The following TRIM63 variants were observed in gnomAD, a reference collection of about 807,000 sequenced individuals.
TRIM63 encodes the protein tripartite motif containing 63.
In TRIM63, 48 loss-of-function variants were observed where a neutral mutation model predicts 46.0. That is an observed-to-expected ratio of 1.04 (90% confidence interval 0.83 to 1.33). The LOEUF (loss-of-function observed/expected upper bound fraction) is 1.33. TRIM63 is among the 40% of genes most tolerant of loss of function. The pLI is 0.00. For synonymous variants in TRIM63, 175 were observed against 162.8 expected (o/e 1.08, Z -0.57); for missense variants, 455 against 441.2 (o/e 1.03, Z -0.28).
At chr1:26,055,592 C>A (rs1197624229) in intron 7 of TRIM63, among the ~76,000 whole-genome samples, 1 of 151,162 alleles carries the variant, frequency 6.6e-6, no homozygotes, top group Non-Finnish European at 1.5e-5. Context: ...CTCACTGCAA[C>A]CTCCTCCTCC....
chr1:26,053,005 G>A (rs6678074), intron 8 of TRIM63, among the ~76,000 whole-genome samples: 4 of 151,916 alleles, frequency 2.6e-5, no homozygotes, highest in South Asian at 2.1e-4. Context: ...GTGCAGTGGC[G>A]CAATCATAGC....
rs868195918 is a variant in TRIM63, at chr1:26,066,440, C to T, written c.160G>A (p.Ala54Thr). The T allele has an allele frequency of 3.8e-6, 6 of 1,572,772 alleles. No homozygotes were observed. In the Middle Eastern group the frequency reaches 1.0e-3, roughly 267 times the overall value. ...CRKCANDIFQ[A>T]ANPYWTSRGS... ...CGGCTGGTCCAGTAGGGATTTGCAGCCTGCAGGTGGCAAAGGTCAAGGTGA... is the reference window on the plus strand; with the variant it reads ...CGGCTGGTCCAGTAGGGATTTGCAGTCTGCAGGTGGCAAAGGTCAAGGTGA... Residue 54 changes from alanine to threonine, a missense_variant and splice_region_variant, in exon 2 of 9, where the codon GCT (alanine) becomes ACT (threonine). By Grantham distance (58) the Ala-to-Thr change is moderately conservative. Coordinates refer to ENST00000374272, the MANE Select transcript of TRIM63 (RefSeq NM_032588.4).
chr1:26,061,487 A>G (rs2050625889), intron 2 of TRIM63, among the ~76,000 whole-genome samples, 153 bp from the exon 3 acceptor site: 1 of 152,192 alleles, frequency 6.6e-6, no homozygotes, highest in South Asian at 2.1e-4. Flanking sequence ...GTGAATCTCC[A>G]GATTTATGCC....
intron 3 of TRIM63, among the ~76,000 whole-genome samples, chr1:26,060,810 C>T (rs558233802): frequency 6.6e-6 from 1 of 152,246 alleles, no homozygotes; most frequent in African/African-American, 2.4e-5. Context: ...CTCTAAGCTG[C>T]CTCCTGCTGT....
intron 8 of TRIM63, 90 bp from the exon 9 acceptor site, chr1:26,051,973 G>A (rs2050526917): frequency 8.9e-7 from 1 of 1,126,564 alleles, no homozygotes; most frequent in African/African-American, 1.6e-5. Flanking sequence ...ATTCAAACAG[G>A]AGTTTGAATA....
chr1:26,058,642 T>A lies in TRIM63; in HGVS notation c.598-19A>T. On this transcript the variant is annotated intron_variant, in intron 4 of 8. Coordinates refer to ENST00000374272, the MANE Select transcript of TRIM63 (RefSeq NM_032588.4). ...TGTTCTCCTGAGGACGGAAGTCTTG[T>A]GGTCACGTTCTGTAGGGTCTTTATT... 1 of 1,610,406 alleles carries A rather than the reference T, an allele frequency of 6.2e-7. No individual in the cohort carries two copies. The highest frequency in any genetic ancestry group is 8.5e-7 in the Non-Finnish European group (1 of 1,176,922).
At chr1:26,061,539 C>T (rs2050626229) in intron 2 of TRIM63, among the ~76,000 whole-genome samples, 1 of 152,216 alleles carries the variant, frequency 6.6e-6, no homozygotes, top group South Asian at 2.1e-4. Context: ...CTTTCATCTT[C>T]TGGGGACCAA....
chr1:26,067,538 T>C lies in TRIM63; in HGVS notation c.-44A>G, dbSNP rs1173920814. The C allele has an allele frequency of 1.9e-6, 3 of 1,606,212 alleles. No homozygotes were observed. The African/African-American group carries it at 4.0e-5, about 21-fold the overall frequency. On this transcript the variant is annotated 5_prime_UTR_variant, in exon 1 of 9. Transcript: ENST00000374272. The stretch of plus-strand genomic sequence containing the variant: ...AGCCACGCCTAGCTGCCTCCTCTAC[T>C]AACTTTGCTCTAAGTAGACCTGGGG...
chr1:26,065,458 C>A (rs2050667911), intron 2 of TRIM63, among the ~76,000 whole-genome samples: 1 of 151,740 alleles, frequency 6.6e-6, no homozygotes, highest in South Asian at 2.1e-4. Context: ...ACAGGCATGC[C>A]CCACCACGCC....
chr1:26,062,367 A>T (rs1429697933), intron 2 of TRIM63, among the ~76,000 whole-genome samples: 1 of 152,216 alleles, frequency 6.6e-6, no homozygotes, highest in Non-Finnish European at 1.5e-5. Flanking sequence ...AACATTCTCC[A>T]TAAGAAAACA....
chr1:26,064,764 C>T (rs1027730648), intron 2 of TRIM63, among the ~76,000 whole-genome samples: 1 of 152,184 alleles, frequency 6.6e-6, no homozygotes, highest in Non-Finnish European at 1.5e-5. Flanking sequence ...TAAAGGCTTA[C>T]CCAGCATGGT....
intron 2 of TRIM63, among the ~76,000 whole-genome samples, chr1:26,061,701 A>G (rs1242938194): frequency 6.6e-6 from 1 of 152,222 alleles, no homozygotes; most frequent in Admixed American, 6.5e-5. Flanking sequence ...GGGCTCCAGA[A>G]AAGTGAATTG....
intron 7 of TRIM63, among the ~76,000 whole-genome samples, chr1:26,055,367 A>G (rs1423024063): frequency 1.3e-5 from 2 of 152,338 alleles, no homozygotes. Context: ...GGACATACAG[A>G]ATATTCAGTA....
Position 26,057,220 on chromosome 1 carries a change from G to A in TRIM63, c.962C>T (p.Ala321Val), listed in dbSNP as rs1342298775. 3.7e-6 allele frequency: 6 copies of A among 1,614,042 alleles called. No homozygotes were observed. The Admixed American group carries it at 1.0e-4, about 27-fold the overall frequency. ...DLEHIADALR[A>V]IDFGTDEEEE... ...TCCTTTACCTGTCCCAAAGTCAATG[G>A]CTCTCAGGGCGTCTGCTATGTGCTC... is the stretch of plus-strand genomic sequence containing the variant. The change falls in exon 7 of 9, where the codon GCC (alanine) becomes GTC (valine). Residue 321 changes from alanine to valine, a missense_variant. Ala to Val is a moderately conservative substitution (Grantham distance 64, BLOSUM62 0). Transcript: ENST00000374272.
At chr1:26,056,757 ATT>A (rs539855797) in intron 7 of TRIM63, among the ~76,000 whole-genome samples, 30,739 of 138,720 alleles carry the variant, frequency 0.22, 3,344 homozygotes, top group African/African-American at 0.3. Flanking sequence ...GACTATATGA[ATT>A]TTTTTTTTTT....
chr1:26,058,342 G>T, intron 5 of TRIM63, 48 bp downstream of exon 5: 1 of 1,525,084 alleles, frequency 6.6e-7, no homozygotes, highest in South Asian at 1.1e-5. Flanking sequence ...GAACCTTAGA[G>T]CTGTAGAGTT....
chr1:26,061,989 T>C (rs1468181016), intron 2 of TRIM63, among the ~76,000 whole-genome samples: 2 of 152,150 alleles, frequency 1.3e-5, no homozygotes, highest in African/African-American at 2.4e-5. Flanking sequence ...TCAATAAGGC[T>C]GGGCGCAGTG....
At position 26,054,039 on chromosome 1, in the gene TRIM63, G is replaced by C. The variant is rs1320928317; in HGVS notation, c.980-75C>G. 6 of 1,104,656 alleles carry C rather than the reference G, an allele frequency of 5.4e-6. No individual in the cohort carries two copies. In the East Asian group the frequency reaches 1.5e-4, roughly 28 times the overall value. 68.4% of individuals were successfully genotyped at this position (1,104,656 alleles called of 1,614,324 possible). Reference sequence around the variant, plus strand: ...CTACTTGAAGAGGAACCAGGCAAGAGAGAGCACGGTCTAAACCCCTTCCTG... The same window carrying C: ...CTACTTGAAGAGGAACCAGGCAAGACAGAGCACGGTCTAAACCCCTTCCTG... On this transcript the variant is annotated intron_variant, in intron 7 of 8. Transcript: ENST00000374272.
chr1:26,063,835 A>G (rs1019309164), intron 2 of TRIM63, among the ~76,000 whole-genome samples: 4 of 152,222 alleles, frequency 2.6e-5, no homozygotes, highest in African/African-American at 9.6e-5. Context: ...AACTATGCGG[A>G]AAGGCCTCAA....
Sources: allele counts gnomAD v4.1 joint callset (sites outside exome capture counted in the v4.1 genomes callset), GRCh38; gene constraint gnomAD v4.1.1; transcripts MANE v1.5; gene names NCBI Gene and HGNC (gene_info 2026-07-23, HGNC 2026-07-21).